The following MYO6 variants were observed in gnomAD, a reference collection of about 807,000 sequenced individuals.
MYO6 encodes unconventional myosin-VI.
A neutral mutation model predicts 178.7 loss-of-function variants in MYO6; 74 were observed. The ratio of observed to expected loss-of-function variants is 0.41; its 90% CI spans 0.34 to 0.50. The LOEUF is 0.50. Ranked by LOEUF, MYO6 falls within the 20% of genes least tolerant of loss-of-function variation. The pLI is 0.09. For missense variants in MYO6, 1,330 were observed against 1,547.4 expected (o/e 0.86, Z 2.36); for synonymous variants, 477 against 504.6 (o/e 0.95, Z 0.73).
At chr6:75,892,368 T>C (rs1363175599) in intron 27 of MYO6, among the ~76,000 whole-genome samples, 162 bp from the exon 28 acceptor site, 1 of 152,200 alleles carries the variant, frequency 6.6e-6, no homozygotes, top group African/African-American at 2.4e-5. Flanking sequence ...TTAATCATAA[T>C]AGAGAAGAAA....
chr6:75,877,775 T>C (rs1282997848), intron 20 of MYO6, among the ~76,000 whole-genome samples: 2 of 151,602 alleles, frequency 1.3e-5, no homozygotes, highest in Non-Finnish European at 2.9e-5. Flanking sequence ...TTTGCCTTAG[T>C]GGTTAAAAAA....
chr6:75,908,738 A>T, intron 32 of MYO6, 111 bp downstream of exon 32: 1 of 1,186,446 alleles, frequency 8.4e-7, no homozygotes, highest in South Asian at 1.3e-5. Context: ...CCTATTTTAG[A>T]ACTGTGAGCC....
chr6:75,873,119 A>G, intron 19 of MYO6, 88 bp from the exon 20 acceptor site: 2 of 1,002,022 alleles, frequency 2.0e-6, no homozygotes, highest in East Asian at 2.5e-5. Flanking sequence ...GTTAATGTTA[A>G]TATGCTTTGA....
At chr6:75,749,484 G>A (rs1218681794) in intron 1 of MYO6, 61 bp downstream of exon 1, 2 of 152,208 alleles carry the variant, frequency 1.3e-5, no homozygotes, top group Admixed American at 1.3e-4. Flanking sequence ...TCCCTGGCCC[G>A]GCCTTGCTCC....
chr6:75,877,762 G>T (rs1203310578), intron 20 of MYO6, among the ~76,000 whole-genome samples: 1 of 151,824 alleles, frequency 6.6e-6, no homozygotes, highest in African/African-American at 2.4e-5. Flanking sequence ...AGAAGGCAGA[G>T]TATTTGCCTT....
rs191856462 is a variant in MYO6, at chr6:75,915,662, G to A, written c.*650G>A. ...TACTAATAGTATCCAGCACAGATTT[G>A]CTTTTCTTTGCTAGCACAATGTGTG... On this transcript the variant is annotated 3_prime_UTR_variant, in exon 35 of 35. Coordinates refer to ENST00000369977, the MANE Select transcript of MYO6 (RefSeq NM_004999.4). The A allele has an allele frequency of 6.6e-6, 1 of 152,534 alleles. No homozygotes were observed. Among genetic ancestry groups the A allele is most frequent in the Non-Finnish European group, 1.5e-5 (1 of 68,104 alleles). The allele number at this position is 152,534 out of a possible 1,614,324, so 9.4% of individuals were successfully genotyped here.
intron 1 of MYO6, among the ~76,000 whole-genome samples, chr6:75,760,825 C>G (rs9341534): frequency 0.13 from 19,543 of 151,712 alleles, 1,319 homozygotes; most frequent in Non-Finnish European, 0.15. Context: ...TTGGATTTGA[C>G]ACTGATGGAA....
chr6:75,876,812 T>A (rs1373865710), intron 20 of MYO6, among the ~76,000 whole-genome samples: 1 of 152,166 alleles, frequency 6.6e-6, no homozygotes, highest in African/African-American at 2.4e-5. Flanking sequence ...TTTGTTCCAG[T>A]CATGTAGCTA....
chr6:75,811,881 G>A (rs1016253562), intron 1 of MYO6, among the ~76,000 whole-genome samples: 3 of 152,178 alleles, frequency 2.0e-5, no homozygotes, highest in African/African-American at 7.2e-5. Flanking sequence ...AATCCTCACA[G>A]CAGTTCTGAA....
At chr6:75,773,938 A>G (rs553745818) in intron 1 of MYO6, among the ~76,000 whole-genome samples, 3 of 152,206 alleles carry the variant, frequency 2.0e-5, no homozygotes, top group East Asian at 3.8e-4. Context: ...GATAATCACT[A>G]GTTTTTTAGA....
At chr6:75,758,865 T>G (rs909190785) in intron 1 of MYO6, among the ~76,000 whole-genome samples, 4 of 151,914 alleles carry the variant, frequency 2.6e-5, no homozygotes, top group Admixed American at 2.6e-4. Context: ...AATACATGTT[T>G]GTATAGATCT....
rs1583346731 is a variant in MYO6 at position 75,880,195 on chromosome 6, A to G, written c.2286+75A>G. 20 of 1,060,680 alleles carry G rather than the reference A, an allele frequency of 1.9e-5. No homozygotes were observed. The East Asian group carries it at 5.2e-4, about 27-fold the overall frequency. 65.7% of individuals were successfully genotyped at this position (1,060,680 alleles called of 1,614,324 possible). A position where few individuals can be genotyped will look rare whatever the true frequency, so the allele number is the denominator to read the frequency against. On this transcript the variant is annotated intron_variant, in intron 22 of 34. Coordinates refer to ENST00000369977, the MANE Select transcript of MYO6 (RefSeq NM_004999.4). Reference sequence around the variant, plus strand: ...TTGGGGTTAGTGAATATCTTAAAGTATTTAATAATTTGTATTATTCTTGAA... The same window carrying G: ...TTGGGGTTAGTGAATATCTTAAAGTGTTTAATAATTTGTATTATTCTTGAA...
chr6:75,851,391 T>C (rs918360045), intron 11 of MYO6, among the ~76,000 whole-genome samples: 5 of 152,228 alleles, frequency 3.3e-5, no homozygotes, highest in African/African-American at 1.2e-4. Context: ...GATTTTATTA[T>C]ATTTGTCTTC....
chr6:75,902,125 G>A (rs1779832821), intron 30 of MYO6, among the ~76,000 whole-genome samples: 1 of 152,122 alleles, frequency 6.6e-6, no homozygotes, highest in African/African-American at 2.4e-5. Context: ...GATTTGGTTT[G>A]CCAGTATTTT....
At chr6:75,886,380 A>T (rs1778433399) in intron 24 of MYO6, among the ~76,000 whole-genome samples, 1 of 152,302 alleles carries the variant, frequency 6.6e-6, no homozygotes, top group Non-Finnish European at 1.5e-5. Flanking sequence ...TATTCTGATT[A>T]TTTTAGTTAT....
At chr6:75,825,991 G>A (rs1049133696) in intron 3 of MYO6, among the ~76,000 whole-genome samples, 1 of 151,882 alleles carries the variant, frequency 6.6e-6, no homozygotes, top group African/African-American at 2.4e-5. Context: ...TAATAATTAG[G>A]CATAAAAGGT....
At position 75,916,715 on chromosome 6, in the gene MYO6, C is replaced by T. The variant is rs9360957; in HGVS notation, c.*1703C>T. On this transcript the variant is annotated 3_prime_UTR_variant, in exon 35 of 35. Coordinates refer to ENST00000369977, the MANE Select transcript of MYO6 (RefSeq NM_004999.4). ...AAGTTCTTGAACAAAATTTAGTAGC[C>T]AAATTGTTTTTTAATGACATGTCTC... 6,625 of 152,216 alleles carry T rather than the reference C, an allele frequency of 0.044. 240 individuals carry two copies. The highest frequency in any genetic ancestry group is 0.18 in the East Asian group (946 of 5,168). 9.4% of individuals were successfully genotyped at this position (152,216 alleles called of 1,614,324 possible).
intron 23 of MYO6, among the ~76,000 whole-genome samples, chr6:75,885,365 C>T (rs1778346379): frequency 6.6e-6 from 1 of 151,962 alleles, no homozygotes; most frequent in African/African-American, 2.4e-5. Context: ...AAAACCCTGG[C>T]TCGAATAAAA....
intron 18 of MYO6, 189 bp downstream of exon 18, chr6:75,867,294 G>A (rs1583313404): frequency 1.9e-6 from 1 of 529,300 alleles, no homozygotes; most frequent in South Asian, 2.5e-5. Context: ...AGAAATGCTT[G>A]TAATTATCTG....
Sources: gnomAD v4.1 joint callset for allele counts (sites outside exome capture counted in the v4.1 genomes callset) on GRCh38, gnomAD v4.1.1 for gene constraint, MANE v1.5 for transcripts, NCBI Gene and HGNC (gene_info 2026-07-23, HGNC 2026-07-21) for gene names.